GLRA2: variants seen among roughly 807,000 people sequenced by gnomAD.
GLRA2 encodes the protein glycine receptor alpha 2, also known as glycine receptor subunit alpha-2.
GLRA2 carries 11 observed loss-of-function variants against 31.6 expected under a neutral mutation model. That is an observed-to-expected ratio of 0.35 (90% CI 0.22 to 0.58). The LOEUF is 0.58. Ranked by LOEUF, GLRA2 falls within the 20% of genes least tolerant of loss-of-function variation. GLRA2 has a pLI of 0.84. For missense variants in GLRA2, 212 were observed against 351.8 expected (o/e 0.60, Z 3.18); for synonymous variants, 132 against 134.0 (o/e 0.99, Z 0.10).
chrX:14,589,670 C>CAAA (rs199543625), intron 4 of GLRA2, among the ~76,000 whole-genome samples: 54 of 90,358 alleles, frequency 6.0e-4, no homozygotes, highest in South Asian at 3.0e-3. Flanking sequence ...GACTCTATCT[C>CAAA]AAAAAAATAT....
chrX:14,451,382 C>A, the GLRA2 span, among the ~76,000 whole-genome samples: 1 of 110,583 alleles, frequency 9.0e-6, no homozygotes, highest in African/African-American at 3.3e-5. Flanking sequence ...TGTAATCTCA[C>A]CACTTTGGGA....
intron 2 of GLRA2, among the ~76,000 whole-genome samples, chrX:14,557,406 T>C (rs1365633590): frequency 1.8e-5 from 2 of 111,556 alleles, no homozygotes; most frequent in African/African-American, 6.5e-5. Context: ...TAAGCCACTG[T>C]GCCCGGCCCA....
chrX:14,607,409 A>C (rs1310390737), intron 6 of GLRA2, 141 bp downstream of exon 6: 45 of 459,158 alleles, frequency 9.8e-5, no homozygotes, highest in Admixed American at 7.8e-5. Flanking sequence ...ATTTGGCTCA[A>C]AACTCCCTCA....
At chrX:14,545,090 A>G (rs1435882485) in intron 2 of GLRA2, among the ~76,000 whole-genome samples, 1 of 112,193 alleles carries the variant, frequency 8.9e-6, no homozygotes, top group East Asian at 2.8e-4. Context: ...ATCCACAGTG[A>G]TGACATTAGC....
the GLRA2 span, among the ~76,000 whole-genome samples, chrX:14,468,992 G>T: frequency 4.5e-5 from 5 of 110,532 alleles, no homozygotes; most frequent in African/African-American, 6.6e-5. Context: ...CATGTCCTTC[G>T]CCCACTTTTT....
chrX:14,604,208 T>C, intron 4 of GLRA2, 107 bp from the exon 5 acceptor site: 2 of 431,366 alleles, frequency 4.6e-6, no homozygotes, highest in East Asian at 4.2e-5. Context: ...ATTTCATTAT[T>C]TGAATCAATG....
chrX:14,474,089 G>T, the GLRA2 span, among the ~76,000 whole-genome samples: 3 of 111,743 alleles, frequency 2.7e-5, no homozygotes, highest in Admixed American at 1.9e-4. Context: ...GGCCTAAGTG[G>T]CTGTGTGTGT....
At chrX:14,606,876 T>A (rs1477480826) in intron 5 of GLRA2, among the ~76,000 whole-genome samples, 1 of 111,967 alleles carries the variant, frequency 8.9e-6, no homozygotes, top group Non-Finnish European at 1.9e-5. Flanking sequence ...CAGAAATCAA[T>A]AGACTTTTTA....
chrX:14,621,274 G>C (rs1012673221), intron 7 of GLRA2, among the ~76,000 whole-genome samples: 1 of 110,891 alleles, frequency 9.0e-6, no homozygotes, highest in Non-Finnish European at 1.9e-5. Flanking sequence ...AGGTTTCCCA[G>C]ACCCTACCAC....
intron 8 of GLRA2, among the ~76,000 whole-genome samples, chrX:14,713,467 A>G (rs918782177): frequency 4.5e-5 from 5 of 112,050 alleles, no homozygotes; most frequent in Admixed American, 1.9e-4. Flanking sequence ...TATCACAGCC[A>G]TATTATCCAT....
At chrX:14,545,422 A>G (rs1037561523) in intron 2 of GLRA2, among the ~76,000 whole-genome samples, 1 of 111,324 alleles carries the variant, frequency 9.0e-6, no homozygotes, top group African/African-American at 3.3e-5. Context: ...TAATCCATTC[A>G]TGAGGGCACA....
chrX:14,609,033 A>G lies in GLRA2; in HGVS notation c.758A>G (p.Gln253Arg), dbSNP rs1187455515. 2.5e-6 allele frequency: 3 copies of G among 1,182,569 alleles called. No individual in the cohort carries two copies. In the Admixed American group the frequency reaches 6.5e-5, roughly 26 times the overall value. The change falls in exon 7 of 9, where the codon CAA becomes CGA. Residue 253 changes from glutamine to arginine, a missense_variant. Transcript: ENST00000218075. ...GAGGTCAAGTTTCATCTGGAACGCCAAATGGGATATTATTTGATCCAGATG... is the reference window on the plus strand; with the variant it reads ...GAGGTCAAGTTTCATCTGGAACGCCGAATGGGATATTATTTGATCCAGATG... ...CIEVKFHLER[Q>R]MGYYLIQMYI...
At chrX:14,548,865 A>C (rs2089516863) in intron 2 of GLRA2, among the ~76,000 whole-genome samples, 1 of 111,703 alleles carries the variant, frequency 9.0e-6, no homozygotes, top group Non-Finnish European at 1.9e-5. Context: ...CCTTCCAACC[A>C]GTGAGTCTGT....
At chrX:14,618,660 T>C in intron 7 of GLRA2, among the ~76,000 whole-genome samples, 1 of 111,459 alleles carries the variant, frequency 9.0e-6, no homozygotes, top group Non-Finnish European at 1.9e-5. Flanking sequence ...CTGCCCAGGG[T>C]CTTATAAGGC....
At chrX:14,477,238 C>T in the GLRA2 span, among the ~76,000 whole-genome samples, 5 of 111,956 alleles carry the variant, frequency 4.5e-5, no homozygotes, top group Non-Finnish European at 9.4e-5. Context: ...TAATAACTTC[C>T]TTTAAAATTT....
intron 2 of GLRA2, among the ~76,000 whole-genome samples, chrX:14,550,125 C>A (rs1037037142): frequency 1.8e-5 from 2 of 110,349 alleles, no homozygotes; most frequent in Non-Finnish European, 3.8e-5. Context: ...TACAAAAGCC[C>A]ATACTGAGTT....
intron 7 of GLRA2, among the ~76,000 whole-genome samples, chrX:14,670,098 C>T (rs183619799): frequency 2.9e-4 from 32 of 111,964 alleles, no homozygotes; most frequent in African/African-American, 1.0e-3. Flanking sequence ...TTCCACAAAT[C>T]TCTAGGCCAG....
chrX:14,491,718 T>C, the GLRA2 span, among the ~76,000 whole-genome samples: 2 of 111,449 alleles, frequency 1.8e-5, no homozygotes, highest in Non-Finnish European at 1.9e-5. Flanking sequence ...TCTAATGGCC[T>C]GGCTGAGTTA....
the GLRA2 span, among the ~76,000 whole-genome samples, chrX:14,476,089 CA>C: frequency 9.0e-6 from 1 of 111,395 alleles, no homozygotes; most frequent in African/African-American, 3.3e-5. Context: ...GGGATAAGGC[CA>C]AAAATTTGCA....
Sources: allele counts gnomAD v4.1 joint callset (sites outside exome capture counted in the v4.1 genomes callset), GRCh38; gene constraint gnomAD v4.1.1; transcripts MANE v1.5; gene names NCBI Gene and HGNC (gene_info 2026-07-23, HGNC 2026-07-21).